The following XRCC2 variants were observed in gnomAD, a reference collection of about 807,000 sequenced individuals.
XRCC2 encodes X-ray repair cross complementing 2, also known as DNA repair protein XRCC2.
Under a neutral mutation model 27.3 loss-of-function variants are expected in XRCC2, and 24 were observed. The observed-to-expected ratio is 0.88, with a 90% CI of 0.64 to 1.24. The LOEUF (loss-of-function observed/expected upper bound fraction) is 1.24. Among genes scored for constraint, XRCC2 ranks in the 50% most tolerant of loss-of-function variants. XRCC2 has a pLI of 0.00. For missense variants in XRCC2, 321 were observed against 325.8 expected (o/e 0.99, Z 0.11); for synonymous variants, 106 against 115.4 (o/e 0.92, Z 0.52).
rs1563032964 is a variant in XRCC2 at position 152,667,428 on chromosome 7, A to AAAAAAAAG, written c.40-6647_40-6646insCTTTTTTT. On this transcript the variant is annotated intron_variant, in intron 1 of 2. Coordinates refer to ENST00000359321, the MANE Select transcript of XRCC2 (RefSeq NM_005431.2). Reference sequence around the variant, plus strand: ...CTCAAAAAAAAAAAAAAAAAAAAAGAAAAAAAGTATTATAATTTTATTGAC... The same window carrying AAAAAAAAG: ...CTCAAAAAAAAAAAAAAAAAAAAAGAAAAAAAAGAAAAAAGTATTATAATTTTATTGAC... Among the ~76,000 whole-genome samples the AAAAAAAAG allele has an allele frequency of 7.7e-4, 60 of 77,892 alleles. 1 individual carries two copies. The highest frequency in any genetic ancestry group is 1.0e-3 in the Non-Finnish European group (43 of 41,288). The allele number at this position is 77,892 out of a possible 152,430, so 51.1% of individuals were successfully genotyped here.
At chr7:152,649,447 A>G in intron 2 of XRCC2, 84 bp from the exon 3 acceptor site, 1 of 1,457,236 alleles carries the variant, frequency 6.9e-7, no homozygotes, top group South Asian at 1.4e-5. Context: ...AAAGTTTAAA[A>G]AGACACTTAC....
chr7:152,656,821 G>T (rs1429566069), intron 2 of XRCC2, among the ~76,000 whole-genome samples: 2 of 152,118 alleles, frequency 1.3e-5, no homozygotes, highest in Non-Finnish European at 2.9e-5. Flanking sequence ...ATTTTGGTTA[G>T]CAAATCTGCT....
intron 1 of XRCC2, among the ~76,000 whole-genome samples, chr7:152,663,601 G>T (rs1353012595): frequency 6.6e-6 from 1 of 152,184 alleles, no homozygotes; most frequent in African/African-American, 2.4e-5. Flanking sequence ...TCCCTCGGGA[G>T]GACAAGGCAG....
chr7:152,656,135 C>T (rs1256071576), intron 2 of XRCC2, among the ~76,000 whole-genome samples: 1 of 152,124 alleles, frequency 6.6e-6, no homozygotes, highest in African/African-American at 2.4e-5. Flanking sequence ...GGTTGATAGG[C>T]GCAGCCAACC....
chr7:152,659,274 A>G (rs887762103), intron 2 of XRCC2, among the ~76,000 whole-genome samples: 6 of 152,332 alleles, frequency 3.9e-5, no homozygotes, highest in African/African-American at 1.4e-4. Context: ...ATGAAGCCCC[A>G]AAATACAAAA....
chr7:152,662,505 C>T (rs912317172), intron 1 of XRCC2, among the ~76,000 whole-genome samples: 3 of 145,936 alleles, frequency 2.1e-5, no homozygotes, highest in Admixed American at 6.9e-5. Context: ...GACAACCCTT[C>T]TATATGACAA....
intron 1 of XRCC2, among the ~76,000 whole-genome samples, chr7:152,666,303 T>C (rs758149722): frequency 3.3e-5 from 5 of 152,066 alleles, no homozygotes; most frequent in Non-Finnish European, 7.4e-5. Flanking sequence ...CCTTGACCTC[T>C]TGGGCCCATG....
In XRCC2 at chr7:152,665,036, C is replaced by T. The variant is rs1014934100; in HGVS notation, c.40-4254G>A. On this transcript the variant is annotated intron_variant, in intron 1 of 2. Coordinates refer to ENST00000359321, the MANE Select transcript of XRCC2 (RefSeq NM_005431.2). ...AGAACTCCAAACACCAAATGGCAGT[C>T]GTGGCCCCTTTCAGATGCTGGCAAG... Among the ~76,000 whole-genome samples, 4 of 152,060 alleles carry T rather than the reference C, an allele frequency of 2.6e-5. No individual in the cohort carries two copies. The East Asian group carries it at 5.8e-4, about 22-fold the overall frequency.
In XRCC2 at chr7:152,664,722, G is replaced by C. The variant is rs192305650; in HGVS notation, c.40-3940C>G. Among the ~76,000 whole-genome samples the C allele has an allele frequency of 1.6e-3, 248 of 152,250 alleles. 3 individuals carry two copies. The highest frequency in any genetic ancestry group is 5.6e-3 in the African/African-American group (234 of 41,546). ...CCTGGCCTCCATCATCACGCTATTA[G>C]AGTAGGTAGACAGACAGGTGTGAGT... On this transcript the variant is annotated intron_variant, in intron 1 of 2. Transcript: ENST00000359321.
intron 1 of XRCC2, among the ~76,000 whole-genome samples, chr7:152,668,724 A>C (rs1483155349): frequency 6.6e-6 from 1 of 152,224 alleles, no homozygotes; most frequent in Non-Finnish European, 1.5e-5. Context: ...GGACATAATA[A>C]TTTTAATCTA....
At chr7:152,675,374 C>CGGGTTCAAGAGGTTCTT (rs2098040451) in intron 1 of XRCC2, among the ~76,000 whole-genome samples, 1 of 152,134 alleles carries the variant, frequency 6.6e-6, no homozygotes, top group South Asian at 2.1e-4. Context: ...AGCAGCCTCC[C>CGGGTTCAAGAGGTTCTT]TTACTAGTTC....
intron 2 of XRCC2, among the ~76,000 whole-genome samples, chr7:152,656,070 A>G (rs1030850093): frequency 6.6e-6 from 1 of 152,196 alleles, no homozygotes; most frequent in Admixed American, 6.6e-5. Context: ...TGCTGAAGGC[A>G]TGAGGGGAGG....
intron 1 of XRCC2, among the ~76,000 whole-genome samples, chr7:152,665,423 C>A (rs2098035147): frequency 6.7e-6 from 1 of 148,450 alleles, no homozygotes; most frequent in African/African-American, 2.5e-5. Flanking sequence ...AGTGAACCAT[C>A]CAAAAGATGC....
rs1203269973 is a variant in XRCC2 at position 152,658,150 on chromosome 7, C to CT, written c.121+2550dup. Among the ~76,000 whole-genome samples, 156 of 136,986 alleles carry CT rather than the reference C, an allele frequency of 1.1e-3. 1 individual carries two copies. Among genetic ancestry groups the CT allele is most frequent in the East Asian group, 1.7e-3 (8 of 4,760 alleles). The allele number at this position is 136,986 out of a possible 152,430, so 89.9% of individuals were successfully genotyped here. On this transcript the variant is annotated intron_variant, in intron 2 of 2. Coordinates refer to ENST00000359321, the MANE Select transcript of XRCC2 (RefSeq NM_005431.2). ...CTGGGTAATTTTTCTTTTTCTTTTT[C>CT]TTTTTTTTTTTTGAGGCGGAGTCTC... is the stretch of plus-strand genomic sequence containing the variant.
intron 2 of XRCC2, among the ~76,000 whole-genome samples, chr7:152,652,036 T>C (rs979795197): frequency 6.6e-6 from 1 of 151,350 alleles, no homozygotes; most frequent in Non-Finnish European, 1.5e-5. Flanking sequence ...CCGGGCGTGG[T>C]AGCATGTGCC....
In XRCC2 at chr7:152,663,346, T is replaced by TAAAAAAAAAAAAAAAAAAA. The variant is rs530664762; in HGVS notation, c.40-2583_40-2565dup. ...GCTTTACGTAAGAATGTCTTTGAAG[T>TAAAAAAAAAAAAAAAAAAA]AAAAAAAAAAAAAAAAAAAAAAAAA... is the stretch of plus-strand genomic sequence containing the variant. On this transcript the variant is annotated intron_variant, in intron 1 of 2. Transcript: ENST00000359321. Among the ~76,000 whole-genome samples the TAAAAAAAAAAAAAAAAAAA allele has an allele frequency of 5.9e-4, 48 of 80,898 alleles. 4 individuals carry two copies. Among genetic ancestry groups the TAAAAAAAAAAAAAAAAAAA allele is most frequent in the Non-Finnish European group, 7.4e-4 (30 of 40,468 alleles). The allele number at this position is 80,898 out of a possible 152,430, so 53.1% of individuals were successfully genotyped here.
intron 1 of XRCC2, among the ~76,000 whole-genome samples, chr7:152,674,747 T>A (rs367610623): frequency 0.012 from 701 of 57,318 alleles, no homozygotes; most frequent in East Asian, 0.026. Context: ...ATAAATATAT[T>A]TTTAAATATA....
At chr7:152,667,405 CAA>C (rs60136474) in intron 1 of XRCC2, among the ~76,000 whole-genome samples, 4 of 75,862 alleles carry the variant, frequency 5.3e-5, no homozygotes, top group South Asian at 5.1e-4. Flanking sequence ...AACTCCGTCT[CAA>C]AAAAAAAAAA....
chr7:152,648,759 G>A lies in XRCC2; in HGVS notation c.726C>T (p.Ser242=), dbSNP rs2116987114. 1.2e-6 allele frequency: 2 copies of A among 1,614,112 alleles called. No homozygotes were observed. The highest frequency in any genetic ancestry group is 1.7e-6 in the Non-Finnish European group (2 of 1,180,020). Residue 242 remains serine, a synonymous_variant, in exon 3 of 3, where the codon TCC becomes TCT. Coordinates refer to ENST00000359321, the MANE Select transcript of XRCC2 (RefSeq NM_005431.2). The part of the protein sequence containing the change: ...QQLVKHRMFF[S]KQDDSQSSNQ... ...TGCTGCTTTGAGAATCATCTTGTTTGGAGAAAAACATCCTGTGCTTCACCA... is the reference window on the plus strand; with the variant it reads ...TGCTGCTTTGAGAATCATCTTGTTTAGAGAAAAACATCCTGTGCTTCACCA...
Sources: gnomAD v4.1 joint callset for allele counts (sites outside exome capture counted in the v4.1 genomes callset) on GRCh38, gnomAD v4.1.1 for gene constraint, MANE v1.5 for transcripts, NCBI Gene and HGNC (gene_info 2026-07-23, HGNC 2026-07-21) for gene names.